CCDC83: variants seen among roughly 807,000 people sequenced by gnomAD.
CCDC83 encodes coiled-coil domain containing 83.
In CCDC83, 54 loss-of-function variants were observed where a neutral mutation model predicts 50.1. That is an observed-to-expected ratio of 1.08 (90% confidence interval 0.87 to 1.35). CCDC83 has a LOEUF of 1.35. Ranked by LOEUF, CCDC83 falls within the 40% of genes most tolerant of loss-of-function variation. The pLI, the probability that CCDC83 is intolerant of heterozygous loss-of-function variation, is 0.00. For missense variants in CCDC83, 518 were observed against 473.9 expected (o/e 1.09, Z -0.86); for synonymous variants, 161 against 153.3 (o/e 1.05, Z -0.37).
intron 5 of CCDC83, 149 bp from the exon 6 acceptor site, chr11:85,895,144 A>C (rs1345480066): frequency 3.5e-6 from 1 of 288,210 alleles, no homozygotes; most frequent in Non-Finnish European, 6.4e-6. Context: ...ACAGAATGCT[A>C]CCCGAACAGA....
intron 1 of CCDC83, among the ~76,000 whole-genome samples, chr11:85,856,131 G>C (rs927348286): frequency 3.4e-5 from 5 of 145,032 alleles, no homozygotes; most frequent in Admixed American, 7.1e-5. Flanking sequence ...TGCTGGGCAA[G>C]AGAGAGAGTT....
At chr11:85,878,315 C>A (rs1825623854) in intron 3 of CCDC83, among the ~76,000 whole-genome samples, 1 of 152,170 alleles carries the variant, frequency 6.6e-6, no homozygotes, top group African/African-American at 2.4e-5. Context: ...CTCATGTGAC[C>A]TTTAAAGCCA....
Position 85,915,436 on chromosome 11 carries a change from A to G in CCDC83, c.812A>G (p.Gln271Arg). The part of the protein sequence containing the change: ...LKIPRRLYLT[Q>R]AAGLEVPPEE... ...TCTTTTAGGCGACTATATCTTACCC[A>G]AGCTGCTGGACTAGAAGTGCCACCT... Residue 271 changes from glutamine to arginine, a missense_variant, in exon 9 of 11, where the codon CAA becomes CGA. Physicochemically the swap from Gln to Arg is conservative, Grantham distance 43. Coordinates refer to ENST00000342404, the MANE Select transcript of CCDC83 (RefSeq NM_001286159.2). 1 of 1,613,020 alleles carries G rather than the reference A, an allele frequency of 6.2e-7. No individual in the cohort carries two copies. Among genetic ancestry groups the G allele is most frequent in the Non-Finnish European group, 8.5e-7 (1 of 1,179,496 alleles).
chr11:85,911,634 C>T (rs1235330773), intron 8 of CCDC83, among the ~76,000 whole-genome samples: 1 of 152,098 alleles, frequency 6.6e-6, no homozygotes, highest in Non-Finnish European at 1.5e-5. Context: ...GTCACAATAG[C>T]CAGCACATAA....
At chr11:85,887,741 T>A (rs1213886063) in intron 5 of CCDC83, among the ~76,000 whole-genome samples, 1 of 151,786 alleles carries the variant, frequency 6.6e-6, no homozygotes, top group East Asian at 1.9e-4. Flanking sequence ...TGAACATCCT[T>A]CTAAATCAGT....
intron 6 of CCDC83, among the ~76,000 whole-genome samples, chr11:85,898,663 A>T (rs2135092536): frequency 6.6e-6 from 1 of 152,356 alleles, no homozygotes; most frequent in South Asian, 2.1e-4. Context: ...GTGAAACATG[A>T]TTTCACCATA....
intron 10 of CCDC83, chr11:85,916,727 T>C (rs2093478685): frequency 6.5e-6 from 1 of 155,038 alleles, no homozygotes; most frequent in African/African-American, 2.4e-5. Context: ...GCCTCACTTC[T>C]TCTTCACATG....
chr11:85,892,442 T>C lies in CCDC83; in HGVS notation c.512-2851T>C, dbSNP rs577163437. Reference sequence around the variant, plus strand: ...ACATTCACCCTTGTCCTGGGTACTGTGTTTTTAAGAAGAAAAACGGTCCAT... The same window carrying C: ...ACATTCACCCTTGTCCTGGGTACTGCGTTTTTAAGAAGAAAAACGGTCCAT... On this transcript the variant is annotated intron_variant, in intron 5 of 10. Transcript: ENST00000342404. Among the ~76,000 whole-genome samples, 48 of 152,332 alleles carry C rather than the reference T, an allele frequency of 3.2e-4. 1 individual carries two copies. The South Asian group carries it at 8.9e-3, about 28-fold the overall frequency.
chr11:85,882,013 A>G (rs772862157), intron 3 of CCDC83, among the ~76,000 whole-genome samples: 5 of 152,122 alleles, frequency 3.3e-5, no homozygotes, highest in African/African-American at 4.8e-5. Context: ...TACTCCAGTA[A>G]CATGAATCTT....
intron 5 of CCDC83, among the ~76,000 whole-genome samples, chr11:85,887,970 T>C (rs1047584882): frequency 1.2e-4 from 18 of 152,074 alleles, no homozygotes; most frequent in African/African-American, 4.3e-4. Context: ...ACCTAGCTAA[T>C]TTTATTTATT....
At chr11:85,910,249 TTC>T (rs2093447361) in intron 7 of CCDC83, among the ~76,000 whole-genome samples, 1 of 152,232 alleles carries the variant, frequency 6.6e-6, no homozygotes, top group African/African-American at 2.4e-5. Flanking sequence ...TCATGCTATT[TTC>T]TGTTTTCATT....
intron 3 of CCDC83, among the ~76,000 whole-genome samples, chr11:85,875,060 G>A (rs1020985639): frequency 3.3e-5 from 5 of 152,202 alleles, no homozygotes; most frequent in African/African-American, 1.2e-4. Flanking sequence ...TTTTAGCAGG[G>A]AGGGGATGCA....
intron 1 of CCDC83, among the ~76,000 whole-genome samples, chr11:85,860,593 C>T (rs965356983): frequency 6.6e-6 from 1 of 152,164 alleles, no homozygotes; most frequent in Non-Finnish European, 1.5e-5. Context: ...TCTCAAAGAA[C>T]TTAAAACAGA....
chr11:85,900,539 G>T (rs1169620460), intron 7 of CCDC83, among the ~76,000 whole-genome samples: 1 of 152,124 alleles, frequency 6.6e-6, no homozygotes, highest in Non-Finnish European at 1.5e-5. Flanking sequence ...AATTTGGTAT[G>T]AAAACAGTCC....
rs2093345746 is a variant in CCDC83 at position 85,890,316 on chromosome 11, G to A, written c.511+3949G>A. ...GTTTGTCAGGGCAAAGAATGGAGGA[G>A]TGTTTCTTGTCAACTTGTTATGAGA... On this transcript the variant is annotated intron_variant, in intron 5 of 10. Coordinates refer to ENST00000342404, the MANE Select transcript of CCDC83 (RefSeq NM_001286159.2). Among the ~76,000 whole-genome samples the A allele has an allele frequency of 2.0e-5, 3 of 152,208 alleles. No individual in the cohort carries two copies. In the South Asian group the frequency reaches 6.2e-4, roughly 31 times the overall value.
intron 1 of CCDC83, 63 bp from the exon 2 acceptor site, chr11:85,865,033 G>A (rs971026678): frequency 2.5e-6 from 2 of 814,108 alleles, no homozygotes; most frequent in East Asian, 2.4e-5. Context: ...CTTATCTAGA[G>A]TAAACAAAAG....
chr11:85,872,447 T>C (rs1053310219), intron 2 of CCDC83, among the ~76,000 whole-genome samples: 3 of 152,146 alleles, frequency 2.0e-5, no homozygotes, highest in Middle Eastern at 6.8e-3. Context: ...AACATGCAAC[T>C]GCACTCCAGC....
chr11:85,903,716 G>A (rs939967179), intron 7 of CCDC83, among the ~76,000 whole-genome samples: 2 of 152,100 alleles, frequency 1.3e-5, no homozygotes, highest in Non-Finnish European at 2.9e-5. Flanking sequence ...CCTAGTTCAG[G>A]CCTTATTATC....
intron 2 of CCDC83, among the ~76,000 whole-genome samples, chr11:85,871,416 C>T (rs10898422): frequency 0.076 from 11,552 of 151,938 alleles, 520 homozygotes; most frequent in African/African-American, 0.11. Context: ...AGTATCCAAA[C>T]GAGCTTTTTT....
Sources: gnomAD v4.1 joint callset for allele counts (sites outside exome capture counted in the v4.1 genomes callset) on GRCh38, gnomAD v4.1.1 for gene constraint, MANE v1.5 for transcripts, NCBI Gene and HGNC (gene_info 2026-07-23, HGNC 2026-07-21) for gene names.